The following LRRC58 variants were observed in gnomAD, a reference collection of about 807,000 sequenced individuals.
LRRC58 encodes the protein leucine rich repeat containing 58.
In LRRC58, 18 loss-of-function variants were observed where a neutral mutation model predicts 30.6. The ratio of observed to expected loss-of-function variants is 0.59; its 90% CI spans 0.41 to 0.87. The LOEUF (loss-of-function observed/expected upper bound fraction) is 0.87. Among genes scored for constraint, LRRC58 ranks in the 40% least tolerant of loss-of-function variants. The probability of loss-of-function intolerance (pLI) is 0.00; values close to 1 mark genes in which losing one functional copy is unlikely to be tolerated. For missense variants in LRRC58, 420 were observed against 468.4 expected (o/e 0.90, Z 0.95); for synonymous variants, 221 against 206.0 (o/e 1.07, Z -0.62).
At chr3:120,343,887 A>G (rs1227010133) in intron 1 of LRRC58, among the ~76,000 whole-genome samples, 1 of 152,110 alleles carries the variant, frequency 6.6e-6, no homozygotes, top group African/African-American at 2.4e-5. Context: ...ATTTAAAAAA[A>G]AATTAGCCTG....
intron 2 of LRRC58, 106 bp from the exon 3 acceptor site, chr3:120,335,245 A>G (rs1935818973): frequency 1.1e-6 from 1 of 947,174 alleles, no homozygotes; most frequent in Admixed American, 2.8e-5. Context: ...AAGAATGAGC[A>G]ATTAAGATTA....
Position 120,331,127 on chromosome 3 carries a change from C to A in LRRC58, c.*73G>T. 1 of 1,272,428 alleles carries A rather than the reference C, an allele frequency of 7.9e-7. No homozygotes were observed. Among genetic ancestry groups the A allele is most frequent in the South Asian group, 1.2e-5 (1 of 80,676 alleles). The allele number at this position is 1,272,428 out of a possible 1,614,324, so 78.8% of individuals were successfully genotyped here. ...AGATGAAGATAAGATTTCTAGTGAA[C>A]TTCAAGCTCTATTTTCTTGTCTAAC... is the stretch of plus-strand genomic sequence containing the variant. On this transcript the variant is annotated 3_prime_UTR_variant, in exon 4 of 4. Coordinates refer to ENST00000295628, the MANE Select transcript of LRRC58 (RefSeq NM_001099678.2).
Position 120,327,340 on chromosome 3 carries a change from C to T in LRRC58, c.*3860G>A, listed in dbSNP as rs1935693713. The T allele has an allele frequency of 6.7e-6, 1 of 148,690 alleles. No individual in the cohort carries two copies. Among genetic ancestry groups the T allele is most frequent in the Non-Finnish European group, 1.5e-5 (1 of 67,500 alleles). The allele number at this position is 148,690 out of a possible 1,614,324, so 9.2% of individuals were successfully genotyped here. A position where few individuals can be genotyped will look rare whatever the true frequency, so the allele number is the denominator to read the frequency against. On this transcript the variant is annotated 3_prime_UTR_variant, in exon 4 of 4. Transcript: ENST00000295628. ...AATCTCGGCTCACTGCAAGCTCCGC[C>T]TCCCGGGTTCACGCCATTCTCTTGC...
intron 1 of LRRC58, among the ~76,000 whole-genome samples, chr3:120,337,970 G>A (rs998908387): frequency 6.6e-6 from 1 of 151,976 alleles, no homozygotes; most frequent in Admixed American, 6.6e-5. Context: ...AGCCTCCCGA[G>A]GAGCTAGGAT....
chr3:120,335,258 G>T, intron 2 of LRRC58, 119 bp from the exon 3 acceptor site: 1 of 815,118 alleles, frequency 1.2e-6, no homozygotes, highest in Non-Finnish European at 1.9e-6. Context: ...TAAGATTAAG[G>T]TCAATTGAAG....
chr3:120,335,963 TAA>T lies in LRRC58; in HGVS notation c.501-12_501-11del, dbSNP rs1935830064. 4 of 1,554,890 alleles carry T rather than the reference TAA, an allele frequency of 2.6e-6. No individual in the cohort carries two copies. In the African/African-American group the frequency reaches 5.5e-5, roughly 21 times the overall value. ...ATATAAACACTCTAAACTGCAAAAA[TAA>T]ATGAACAAAACCAAAAAAGTAAATA... On this transcript the variant is annotated splice_polypyrimidine_tract_variant and intron_variant, in intron 1 of 3. Coordinates refer to ENST00000295628, the MANE Select transcript of LRRC58 (RefSeq NM_001099678.2).
chr3:120,331,240 C>G lies in LRRC58; in HGVS notation c.1076G>C (p.Ser359Thr), dbSNP rs1271301339. 6.2e-7 allele frequency: 1 copy of G among 1,613,902 alleles called. No homozygotes were observed. Among genetic ancestry groups the G allele is most frequent in the South Asian group, 1.1e-5 (1 of 91,092 alleles). The change falls in exon 4 of 4, where the codon AGT (serine) becomes ACT (threonine). Residue 359 changes from serine (S) to threonine (T), a missense_variant. By Grantham distance (58) the Ser-to-Thr change is moderately conservative. Transcript: ENST00000295628. ...QSESDSEDEA[S>T]VAARRMQKVL... Reference sequence around the variant, plus strand: ...TTTCTGCATTCTGCGTGCAGCAACACTAGCTTCATCTTCTGAGTCAGATTC... The same window carrying G: ...TTTCTGCATTCTGCGTGCAGCAACAGTAGCTTCATCTTCTGAGTCAGATTC...
At chr3:120,335,211 G>T in intron 2 of LRRC58, 72 bp from the exon 3 acceptor site, 1 of 1,311,166 alleles carries the variant, frequency 7.6e-7, no homozygotes, top group Non-Finnish European at 1.1e-6. Context: ...ATATATGTGT[G>T]TATACAGAAC....
Position 120,334,772 on chromosome 3 carries a change from G to A in LRRC58, c.907+90C>T. The A allele has an allele frequency of 2.5e-6, 3 of 1,202,190 alleles. No homozygotes were observed. The African/African-American group carries it at 4.6e-5, about 19-fold the overall frequency. The allele number at this position is 1,202,190 out of a possible 1,614,324, so 74.5% of individuals were successfully genotyped here. A position where few individuals can be genotyped will look rare whatever the true frequency, so the allele number is the denominator to read the frequency against. On this transcript the variant is annotated intron_variant, in intron 3 of 3. Coordinates refer to ENST00000295628, the MANE Select transcript of LRRC58 (RefSeq NM_001099678.2). ...AATGAGTGAAAAAATAAAGGGAACA[G>A]AAACAGAGACTGCTTTTGTCTGAAA...
rs1473326953 is a variant in LRRC58 at position 120,327,393 on chromosome 3, AGGCGCCCGCCATCACGCCC to A, written c.*3788_*3806del. The stretch of plus-strand genomic sequence containing the variant: ...CAGCCTCCCGAGTAGCTGGGACTAC[AGGCGCCCGCCATCACGCCC>A]GGCTAATTTTTTTTTGTATTTTTAG... On this transcript the variant is annotated 3_prime_UTR_variant, in exon 4 of 4. Coordinates refer to ENST00000295628, the MANE Select transcript of LRRC58 (RefSeq NM_001099678.2). The A allele has an allele frequency of 6.6e-6, 1 of 150,460 alleles. No individual in the cohort carries two copies. Among genetic ancestry groups the A allele is most frequent in the Non-Finnish European group, 1.5e-5 (1 of 67,680 alleles). 9.3% of individuals were successfully genotyped at this position (150,460 alleles called of 1,614,324 possible). A position where few individuals can be genotyped will look rare whatever the true frequency, so the allele number is the denominator to read the frequency against.
Position 120,349,325 on chromosome 3 carries a change from G to A in LRRC58, c.-82C>T. The A allele has an allele frequency of 4.6e-6, 6 of 1,298,210 alleles. No homozygotes were observed. In the South Asian group the frequency reaches 1.0e-4, roughly 22 times the overall value. The allele number at this position is 1,298,210 out of a possible 1,614,324, so 80.4% of individuals were successfully genotyped here. A position where few individuals can be genotyped will look rare whatever the true frequency, so the allele number is the denominator to read the frequency against. On this transcript the variant is annotated 5_prime_UTR_variant, in exon 1 of 4. Coordinates refer to ENST00000295628, the MANE Select transcript of LRRC58 (RefSeq NM_001099678.2). ...GAGGCCGGGAGCTCTGCGGCGCCCC[G>A]GAACCTGAACCGAGGGCTGAGTCGG...
chr3:120,334,633 T>C (rs954815940), intron 3 of LRRC58, among the ~76,000 whole-genome samples: 5 of 152,220 alleles, frequency 3.3e-5, no homozygotes, highest in Non-Finnish European at 7.3e-5. Flanking sequence ...TCTTGATTTA[T>C]TATCGTATGT....
intron 1 of LRRC58, among the ~76,000 whole-genome samples, chr3:120,346,652 T>C (rs937206060): frequency 3.3e-5 from 5 of 152,326 alleles, no homozygotes; most frequent in Middle Eastern, 6.8e-3. Flanking sequence ...ATTCCAAGGC[T>C]GGAATTATGC....
At position 120,328,409 on chromosome 3, in the gene LRRC58, C is replaced by T. The variant is rs1935710778; in HGVS notation, c.*2791G>A. 1 of 152,122 alleles carries T rather than the reference C, an allele frequency of 6.6e-6. No individual in the cohort carries two copies. Among genetic ancestry groups the T allele is most frequent in the Non-Finnish European group, 1.5e-5 (1 of 68,022 alleles). 9.4% of individuals were successfully genotyped at this position (152,122 alleles called of 1,614,324 possible). ...TTCAAATACTAGCACTGAAGAATGC[C>T]ATTCTAAATATATTAATGTTATGCT... On this transcript the variant is annotated 3_prime_UTR_variant, in exon 4 of 4. Coordinates refer to ENST00000295628, the MANE Select transcript of LRRC58 (RefSeq NM_001099678.2).
chr3:120,342,653 C>A (rs1186205761), intron 1 of LRRC58, among the ~76,000 whole-genome samples: 1 of 152,230 alleles, frequency 6.6e-6, no homozygotes, highest in Non-Finnish European at 1.5e-5. Context: ...CTCATCTCAG[C>A]TGTTCTAACA....
Position 120,349,264 on chromosome 3 carries a change from T to G in LRRC58, c.-21A>C, listed in dbSNP as rs1371507045. The G allele has an allele frequency of 1.5e-6, 2 of 1,355,978 alleles. No homozygotes were observed. Among genetic ancestry groups the G allele is most frequent in the Non-Finnish European group, 1.9e-6 (2 of 1,060,920 alleles). The allele number at this position is 1,355,978 out of a possible 1,614,324, so 84.0% of individuals were successfully genotyped here. On this transcript the variant is annotated 5_prime_UTR_variant, in exon 1 of 4. Transcript: ENST00000295628. ...TCCATCCTGGCCACCGCACGGCGCG[T>G]GGCGCCGGATTCCCCAGAGCGCCGC... is the stretch of plus-strand genomic sequence containing the variant.
chr3:120,329,898 T>G lies in LRRC58; in HGVS notation c.*1302A>C, dbSNP rs1559992415. On this transcript the variant is annotated 3_prime_UTR_variant, in exon 4 of 4. Transcript: ENST00000295628. ...GCATATTAAAGTACTTAATAAAAAT[T>G]TGGTAATTTCTAATAGCAATTAATT... 5 of 152,038 alleles carry G rather than the reference T, an allele frequency of 3.3e-5. No individual in the cohort carries two copies. The South Asian group carries it at 8.3e-4, about 25-fold the overall frequency. The allele number at this position is 152,038 out of a possible 1,614,324, so 9.4% of individuals were successfully genotyped here.
intron 1 of LRRC58, among the ~76,000 whole-genome samples, chr3:120,341,574 G>C (rs1188212023): frequency 6.6e-6 from 1 of 152,142 alleles, no homozygotes; most frequent in Non-Finnish European, 1.5e-5. Context: ...ATTAAGAAGT[G>C]GGGTATTTGG....
Position 120,331,149 on chromosome 3 carries a change from TA to T in LRRC58, c.*50del. ...GAACTTCAAGCTCTATTTTCTTGTC[TA>T]ACCATTTTGCTCAGTTTTTTAAGTA... On this transcript the variant is annotated 3_prime_UTR_variant, in exon 4 of 4. Transcript: ENST00000295628. The T allele has an allele frequency of 6.6e-7, 1 of 1,504,868 alleles. No homozygotes were observed. Among genetic ancestry groups the T allele is most frequent in the South Asian group, 1.1e-5 (1 of 88,274 alleles). The allele number at this position is 1,504,868 out of a possible 1,614,324, so 93.2% of individuals were successfully genotyped here.
Sources: allele counts gnomAD v4.1 joint callset (sites outside exome capture counted in the v4.1 genomes callset), GRCh38; gene constraint gnomAD v4.1.1; transcripts MANE v1.5; gene names NCBI Gene and HGNC (gene_info 2026-07-23, HGNC 2026-07-21).